The following EPB41L4A variants were observed in gnomAD, a reference collection of about 807,000 sequenced individuals.
EPB41L4A encodes the protein erythrocyte membrane protein band 4.1 like 4A.
In EPB41L4A, 100 loss-of-function variants were observed where a neutral mutation model predicts 108.6. The observed-to-expected ratio is 0.92, with a 90% CI of 0.78 to 1.09. EPB41L4A has a LOEUF of 1.09. Ranked by LOEUF, EPB41L4A falls within the 50% of genes least tolerant of loss-of-function variation. EPB41L4A has a pLI of 0.00. For missense variants in EPB41L4A, 1,030 were observed against 842.7 expected (o/e 1.22, Z -2.75); for synonymous variants, 319 against 289.0 (o/e 1.10, Z -1.05).
intron 1 of EPB41L4A, among the ~76,000 whole-genome samples, chr5:112,380,869 C>T (rs1405471010): frequency 6.6e-6 from 1 of 151,968 alleles, no homozygotes; most frequent in Non-Finnish European, 1.5e-5. Flanking sequence ...ATATCTCAGT[C>T]ACCCAGAAGC....
Position 112,307,368 on chromosome 5 carries a change from C to T in EPB41L4A, c.204+18G>A. 1 of 1,548,396 alleles carries T rather than the reference C, an allele frequency of 6.5e-7. No homozygotes were observed. The highest frequency in any genetic ancestry group is 8.9e-7 in the Non-Finnish European group (1 of 1,122,722). ...AATTTATAACCAGAAAAATTTAACA[C>T]AAAGTCACCTTACTCACCGTCTGAT... On this transcript the variant is annotated intron_variant, in intron 2 of 22. Coordinates refer to ENST00000261486, the MANE Select transcript of EPB41L4A (RefSeq NM_022140.5).
chr5:112,154,215 C>T (rs1759571854), intron 12 of EPB41L4A, among the ~76,000 whole-genome samples: 1 of 152,178 alleles, frequency 6.6e-6, no homozygotes. Context: ...AGAGAGCATT[C>T]ACAACACTAT....
Position 112,165,119 on chromosome 5 carries a change from C to CCAAAA in EPB41L4A, c.1933-2_1933-1insTTTTG. The CCAAAA allele has an allele frequency of 2.4e-6, 2 of 844,820 alleles. No homozygotes were observed. Among genetic ancestry groups the CCAAAA allele is most frequent in the African/African-American group, 1.1e-4 (2 of 18,224 alleles). 52.3% of individuals were successfully genotyped at this position (844,820 alleles called of 1,614,324 possible). ...GGCTATCTTTAGACCCATTTCTTCT[C>CCAAAA]TAAAATATATTTGAAAAATGTAGAA... On this transcript the variant is annotated splice_acceptor_variant, in intron 22 of 22. Coordinates refer to ENST00000261486, the MANE Select transcript of EPB41L4A (RefSeq NM_022140.5). LOFTEE classifies it high-confidence loss of function.
chr5:112,160,764 G>GCCAT (rs1283482350), downstream of EPB41L4A: 2 of 155,830 alleles, frequency 1.3e-5, no homozygotes, highest in African/African-American at 4.8e-5. Flanking sequence ...GCGGCGTCTC[G>GCCAT]CCATAGCGCA....
chr5:112,268,120 G>A (rs1041182697), intron 4 of EPB41L4A, among the ~76,000 whole-genome samples: 4 of 152,214 alleles, frequency 2.6e-5, no homozygotes, highest in African/African-American at 7.2e-5. Context: ...GGTGGCTCAT[G>A]CCTGTAATCC....
chr5:112,313,206 C>G (rs1047163147), intron 1 of EPB41L4A, among the ~76,000 whole-genome samples: 1 of 152,074 alleles, frequency 6.6e-6, no homozygotes, highest in Non-Finnish European at 1.5e-5. Flanking sequence ...CCTGAGAAGC[C>G]CTAGGGCTAT....
intron 1 of EPB41L4A, among the ~76,000 whole-genome samples, chr5:112,356,979 T>C (rs1431063954): frequency 2.6e-5 from 4 of 152,206 alleles, no homozygotes; most frequent in African/African-American, 7.2e-5. Context: ...CAGTCTAAGA[T>C]ATCCTGCTCT....
Position 112,170,958 on chromosome 5 carries a change from A to C in EPB41L4A, c.1657T>G (p.Trp553Gly). Residue 553 changes from tryptophan to glycine, a missense_variant, in exon 19 of 23, where the codon TGG (tryptophan) becomes GGG (glycine). Transcript: ENST00000261486. The part of the protein sequence containing the change: ...SPDIQAKEEL[W>G]KHIQKELVDP... ...ACTATTACTCACTGAATGTGCTTCC[A>C]TAACTCTTCTTTTGCTTGGATATCG... The C allele has an allele frequency of 6.2e-7, 1 of 1,613,722 alleles. No individual in the cohort carries two copies. Among genetic ancestry groups the C allele is most frequent in the Non-Finnish European group, 8.5e-7 (1 of 1,179,598 alleles).
chr5:112,288,986 T>C (rs1753470471), intron 2 of EPB41L4A, among the ~76,000 whole-genome samples: 1 of 152,134 alleles, frequency 6.6e-6, no homozygotes, highest in Admixed American at 6.5e-5. Flanking sequence ...GAGGGATAAG[T>C]GCATTTTATA....
At chr5:112,205,368 T>C (rs1448806915) in intron 14 of EPB41L4A, 53 bp downstream of exon 14, 1 of 1,431,370 alleles carries the variant, frequency 7.0e-7, no homozygotes, top group East Asian at 2.3e-5. Flanking sequence ...ATGAGCTGCA[T>C]GTACTAACCC....
rs147586722 is a variant in EPB41L4A at position 112,291,805 on chromosome 5, T to G, written c.205-11482A>C. Reference sequence around the variant, plus strand: ...TGCCCAGGAGGGCATAGAAGTTCCATGCCCCGTTCCCCCATACCTCACCTT... The same window carrying G: ...TGCCCAGGAGGGCATAGAAGTTCCAGGCCCCGTTCCCCCATACCTCACCTT... On this transcript the variant is annotated intron_variant, in intron 2 of 22. Transcript: ENST00000261486. Among the ~76,000 whole-genome samples, 40 of 152,318 alleles carry G rather than the reference T, an allele frequency of 2.6e-4. No individual in the cohort carries two copies. In the East Asian group the frequency reaches 7.3e-3, roughly 28 times the overall value.
intron 1 of EPB41L4A, among the ~76,000 whole-genome samples, chr5:112,316,144 C>G (rs1755416036): frequency 6.6e-6 from 1 of 152,188 alleles, no homozygotes; most frequent in Admixed American, 6.5e-5. Context: ...GAGCTTTCAA[C>G]CAGAACAAAG....
At chr5:112,226,763 A>G (rs1580471954) in intron 12 of EPB41L4A, among the ~76,000 whole-genome samples, 1 of 152,088 alleles carries the variant, frequency 6.6e-6, no homozygotes, top group East Asian at 1.9e-4. Context: ...ATGAAGTACT[A>G]AAGTAGTCAA....
At chr5:112,407,926 C>T (rs944934470) in intron 1 of EPB41L4A, among the ~76,000 whole-genome samples, 1 of 152,204 alleles carries the variant, frequency 6.6e-6, no homozygotes, top group Non-Finnish European at 1.5e-5. Flanking sequence ...TACAGTGTCG[C>T]TGCTCCAGGA....
In EPB41L4A at chr5:112,170,349, G is replaced by A; in HGVS notation, c.1691C>T (p.Ser564Phe). 1 of 1,611,398 alleles carries A rather than the reference G, an allele frequency of 6.2e-7. No homozygotes were observed. The highest frequency in any genetic ancestry group is 2.2e-5 in the East Asian group (1 of 44,830). ...KHIQKELVDP[S>F]GLSEEQLKEI... ...TTTTAATTGTTCTTCGGACAATCCGGATGGATCCACAAGTTCTTTTCTGTA... is the reference window on the plus strand; with the variant it reads ...TTTTAATTGTTCTTCGGACAATCCGAATGGATCCACAAGTTCTTTTCTGTA... Residue 564 changes from serine (S) to phenylalanine (F), a missense_variant, in exon 20 of 23, where the codon TCC (serine) becomes TTC (phenylalanine). Physicochemically the swap from Ser to Phe is radical, Grantham distance 155. Transcript: ENST00000261486.
At chr5:112,174,718 A>G (rs1268485580) in intron 18 of EPB41L4A, among the ~76,000 whole-genome samples, 1 of 152,192 alleles carries the variant, frequency 6.6e-6, no homozygotes, top group East Asian at 1.9e-4. Flanking sequence ...ATCCAGTAAT[A>G]TATTTACTAT....
Position 112,307,390 on chromosome 5 carries a change from T to TG in EPB41L4A, c.199dup (p.Gln67ProfsTer13), listed in dbSNP as rs775857982. ...ACACAAAGTCACCTTACTCACCGTC[T>TG]GATGGCTTCTGTCACAGTAACGTAG... On this transcript the variant is annotated frameshift_variant, in exon 2 of 23. Coordinates refer to ENST00000261486, the MANE Select transcript of EPB41L4A (RefSeq NM_022140.5). LOFTEE classifies it high-confidence loss of function. The TG allele has an allele frequency of 1.9e-6, 3 of 1,604,054 alleles. No individual in the cohort carries two copies. The highest frequency in any genetic ancestry group is 2.6e-6 in the Non-Finnish European group (3 of 1,171,552).
At chr5:112,342,611 C>T (rs1030167305) in intron 1 of EPB41L4A, among the ~76,000 whole-genome samples, 1 of 152,124 alleles carries the variant, frequency 6.6e-6, no homozygotes, top group African/African-American at 2.4e-5. Context: ...TGTTCCTAGT[C>T]GAGCAAGAGC....
intron 12 of EPB41L4A, among the ~76,000 whole-genome samples, chr5:112,225,738 CT>C (rs1444630283): frequency 6.6e-6 from 1 of 152,174 alleles, no homozygotes; most frequent in Non-Finnish European, 1.5e-5. Context: ...GGCCCCTCTG[CT>C]TCTCTGCCCC....
Sources: gnomAD v4.1 joint callset for allele counts (sites outside exome capture counted in the v4.1 genomes callset) on GRCh38, gnomAD v4.1.1 for gene constraint, MANE v1.5 for transcripts, NCBI Gene and HGNC (gene_info 2026-07-23, HGNC 2026-07-21) for gene names.